RBFOX1: variants seen among roughly 807,000 people sequenced by gnomAD.
The protein encoded by RBFOX1 is RNA binding fox-1 homolog 1.
RBFOX1 carries 8 observed loss-of-function variants against 57.7 expected under a neutral mutation model. The observed-to-expected ratio is 0.14, with a 90% CI of 0.08 to 0.25. The LOEUF is 0.25. Ranked by LOEUF, RBFOX1 falls within the 10% of genes least tolerant of loss-of-function variation. The pLI is 1.00. For missense variants in RBFOX1, 611 were observed against 548.5 expected (o/e 1.11, Z -1.14); for synonymous variants, 326 against 222.4 (o/e 1.47, Z -4.15).
intron 3 of RBFOX1, among the ~76,000 whole-genome samples, chr16:6,969,614 C>T (rs1322274702): frequency 6.6e-6 from 1 of 152,036 alleles, no homozygotes; most frequent in African/African-American, 2.4e-5. Flanking sequence ...CATTATGGTG[C>T]ATGCCTGTAG....
intron 2 of RBFOX1, among the ~76,000 whole-genome samples, chr16:5,570,879 T>C (rs895622871): frequency 3.3e-5 from 5 of 152,040 alleles, no homozygotes; most frequent in South Asian, 2.1e-4. Flanking sequence ...ATTACACTTA[T>C]TAAGTTACTT....
At chr16:7,587,189 A>G (rs542112063) in intron 6 of RBFOX1, 58 bp from the exon 7 acceptor site, 3 of 1,437,576 alleles carry the variant, frequency 2.1e-6, no homozygotes, top group Non-Finnish European at 2.8e-6. Context: ...ACTACTGTAC[A>G]TAGTAATGTC....
chr16:7,043,537 T>C (rs2046881669), intron 3 of RBFOX1, among the ~76,000 whole-genome samples: 1 of 152,214 alleles, frequency 6.6e-6, no homozygotes, highest in African/African-American at 2.4e-5. Context: ...CAGAAGAGTT[T>C]ATAATGATTA....
intron 3 of RBFOX1, among the ~76,000 whole-genome samples, chr16:7,010,271 A>C (rs1280726548): frequency 2.0e-5 from 3 of 152,244 alleles, no homozygotes; most frequent in Non-Finnish European, 2.9e-5. Context: ...TCCAGGACCA[A>C]GAGAAAACTG....
chr16:6,029,791 AGGG>A (rs1555478562), intron 1 of RBFOX1, among the ~76,000 whole-genome samples: 5 of 148,938 alleles, frequency 3.4e-5, no homozygotes, highest in African/African-American at 9.8e-5. Context: ...AAAAAAAAAA[AGGG>A]GAAAGAAAAA....
At chr16:5,720,532 G>C (rs1451135250) in intron 3 of RBFOX1, among the ~76,000 whole-genome samples, 1 of 152,138 alleles carries the variant, frequency 6.6e-6, no homozygotes, top group South Asian at 2.1e-4. Flanking sequence ...TTGTAAAGCT[G>C]TATTCCTATG....
intron 1 of RBFOX1, among the ~76,000 whole-genome samples, chr16:6,190,004 T>G (rs1372750083): frequency 6.6e-6 from 1 of 152,210 alleles, no homozygotes; most frequent in Non-Finnish European, 1.5e-5. Flanking sequence ...GGTCTTAGAT[T>G]GAAATTTCAG....
intron 1 of RBFOX1, among the ~76,000 whole-genome samples, chr16:5,340,412 T>G (rs929209964): frequency 1.3e-5 from 2 of 152,218 alleles, no homozygotes; most frequent in Non-Finnish European, 2.9e-5. Flanking sequence ...AAAACTGTTG[T>G]GAGGATTCTG....
At chr16:6,611,545 C>A (rs1324747521) in intron 2 of RBFOX1, among the ~76,000 whole-genome samples, 3 of 152,190 alleles carry the variant, frequency 2.0e-5, no homozygotes, top group Non-Finnish European at 2.9e-5. Flanking sequence ...TACAACTTGA[C>A]ATTTCTTCTC....
At chr16:6,556,122 A>T (rs1171323161) in intron 2 of RBFOX1, among the ~76,000 whole-genome samples, 1 of 152,152 alleles carries the variant, frequency 6.6e-6, no homozygotes, top group Non-Finnish European at 1.5e-5. Context: ...AGGACATTTA[A>T]TTTATCATGA....
At chr16:5,983,791 A>G (rs2060221607) in intron 4 of RBFOX1, among the ~76,000 whole-genome samples, 1 of 151,836 alleles carries the variant, frequency 6.6e-6, no homozygotes, top group Non-Finnish European at 1.5e-5. Context: ...TAACAGGGCC[A>G]GGCTGTCGGG....
intron 1 of RBFOX1, among the ~76,000 whole-genome samples, chr16:6,108,988 T>C (rs878905218): frequency 6.6e-6 from 1 of 152,192 alleles, no homozygotes; most frequent in Non-Finnish European, 1.5e-5. Context: ...CAAGTTAACA[T>C]GTACAGACTA....
intron 3 of RBFOX1, among the ~76,000 whole-genome samples, chr16:6,731,298 A>G (rs1271980016): frequency 6.6e-6 from 1 of 152,168 alleles, no homozygotes; most frequent in East Asian, 1.9e-4. Context: ...AAGGACACAA[A>G]AATATTGCCA....
At chr16:7,471,961 A>G (rs933189793) in intron 4 of RBFOX1, among the ~76,000 whole-genome samples, 1 of 152,198 alleles carries the variant, frequency 6.6e-6, no homozygotes, top group Admixed American at 6.5e-5. Flanking sequence ...CTGACAAAAA[A>G]GGTGCTTGGG....
chr16:6,598,034 A>G (rs1348668429), intron 2 of RBFOX1, among the ~76,000 whole-genome samples: 3 of 152,216 alleles, frequency 2.0e-5, no homozygotes, highest in Admixed American at 1.3e-4. Flanking sequence ...ACAAAATGAT[A>G]TCTTTATGGT....
chr16:6,630,935 A>T (rs1247773874), intron 2 of RBFOX1, among the ~76,000 whole-genome samples: 4 of 152,158 alleles, frequency 2.6e-5, no homozygotes, highest in Admixed American at 2.6e-4. Flanking sequence ...CAATTAAAAA[A>T]ATGTTTTAAA....
At chr16:6,995,348 G>A (rs932936341) in intron 3 of RBFOX1, among the ~76,000 whole-genome samples, 58 of 149,270 alleles carry the variant, frequency 3.9e-4, no homozygotes, top group Non-Finnish European at 3.0e-4. Flanking sequence ...TGGTGATCCT[G>A]CTTTGTATGT....
chr16:6,819,933 G>C (rs1235153159), intron 3 of RBFOX1, among the ~76,000 whole-genome samples: 2 of 152,084 alleles, frequency 1.3e-5, no homozygotes, highest in African/African-American at 4.8e-5. Context: ...TTCCTGCAGA[G>C]GTGATGTCAT....
intron 3 of RBFOX1, among the ~76,000 whole-genome samples, chr16:5,662,223 T>G (rs1886277964): frequency 6.6e-6 from 1 of 152,192 alleles, no homozygotes; most frequent in Admixed American, 6.5e-5. Context: ...TACCTTTGAG[T>G]GTCTTCTAAT....
Sources: gnomAD v4.1 joint callset for allele counts (sites outside exome capture counted in the v4.1 genomes callset) on GRCh38, gnomAD v4.1.1 for gene constraint, MANE v1.5 for transcripts, NCBI Gene and HGNC (gene_info 2026-07-23, HGNC 2026-07-21) for gene names.